The following ANKH variants were observed in gnomAD, a reference collection of about 807,000 sequenced individuals.
ANKH encodes the protein mineralization regulator ANKH.
Under a neutral mutation model 49.0 loss-of-function variants are expected in ANKH, and 15 were observed. The observed-to-expected ratio is 0.31, with a 90% CI of 0.20 to 0.47. ANKH has a LOEUF of 0.47. Among genes scored for constraint, ANKH ranks in the 20% least tolerant of loss-of-function variants. ANKH has a pLI of 1.00. For synonymous variants in ANKH, 273 were observed against 260.0 expected (o/e 1.05, Z -0.48); for missense variants, 429 against 652.0 (o/e 0.66, Z 3.72).
intron 6 of ANKH, among the ~76,000 whole-genome samples, chr5:14,746,997 C>T (rs185482367): frequency 2.0e-5 from 3 of 152,318 alleles, no homozygotes; most frequent in Admixed American, 2.0e-4. Context: ...ACCCTCTAGT[C>T]TAGCTCTATT....
At chr5:14,763,234 A>G (rs2126502806) in intron 2 of ANKH, among the ~76,000 whole-genome samples, 1 of 152,374 alleles carries the variant, frequency 6.6e-6, no homozygotes, top group South Asian at 2.1e-4. Context: ...CTCAATGTTT[A>G]AAAGTCTCAC....
chr5:14,855,933 C>T (rs35842463), intron 1 of ANKH, among the ~76,000 whole-genome samples: 52,859 of 150,540 alleles, frequency 0.35, 9,304 homozygotes, highest in Admixed American at 0.4. Flanking sequence ...CTTCTGCTTG[C>T]CCCTAACCAG....
intron 1 of ANKH, among the ~76,000 whole-genome samples, chr5:14,854,605 G>C (rs563244396): frequency 1.3e-5 from 2 of 152,342 alleles, no homozygotes; most frequent in East Asian, 3.9e-4. Context: ...TGGAGGCTGA[G>C]GTGGATCACT....
At chr5:14,762,733 T>TG (rs5866112) in intron 2 of ANKH, among the ~76,000 whole-genome samples, 10 of 102,484 alleles carry the variant, frequency 9.8e-5, no homozygotes, top group East Asian at 4.1e-4. Context: ...CTAGAGCTAT[T>TG]GGGGGGGTGG....
chr5:14,793,051 TATATATA>T (rs1290707053), intron 1 of ANKH, among the ~76,000 whole-genome samples: 5 of 52,928 alleles, frequency 9.4e-5, no homozygotes, highest in African/African-American at 2.1e-4. Context: ...TATATATAAA[TATATATA>T]AAATATATAT....
At chr5:14,871,226 G>T in intron 1 of ANKH, 126 bp downstream of exon 1, 1 of 823,394 alleles carries the variant, frequency 1.2e-6, no homozygotes, top group Non-Finnish European at 2.0e-6. Flanking sequence ...TTGACAAGCT[G>T]CACACCCGAC....
chr5:14,773,016 T>C (rs912094018), intron 1 of ANKH, among the ~76,000 whole-genome samples: 3 of 152,250 alleles, frequency 2.0e-5, no homozygotes, highest in Non-Finnish European at 4.4e-5. Flanking sequence ...CTCCCTGGGA[T>C]CAGGGTGAAG....
Position 14,825,151 on chromosome 5 carries a change from A to C in ANKH, c.96+46201T>G, listed in dbSNP as rs114574532. ...TTCAGCTACCATTACCAAGATTTTT[A>C]AAAGACACATGAGGACTCACAAAAA... On this transcript the variant is annotated intron_variant, in intron 1 of 11. Transcript: ENST00000284268. Among the ~76,000 whole-genome samples the C allele has an allele frequency of 4.0e-3, 609 of 152,318 alleles. 3 individuals carry two copies. The highest frequency in any genetic ancestry group is 0.014 in the African/African-American group (594 of 41,574).
intron 8 of ANKH, among the ~76,000 whole-genome samples, chr5:14,734,410 C>T (rs997024463): frequency 1.3e-4 from 20 of 152,336 alleles, no homozygotes; most frequent in African/African-American, 4.6e-4. Flanking sequence ...CACCATTGCT[C>T]CATCTGTAAG....
intron 1 of ANKH, chr5:14,797,637 C>A: frequency 3.1e-6 from 5 of 1,601,582 alleles, no homozygotes; most frequent in Non-Finnish European, 2.6e-6. Flanking sequence ...ACGAGTATCC[C>A]AAATCATCAG....
intron 8 of ANKH, among the ~76,000 whole-genome samples, chr5:14,731,127 G>A (rs1737987163): frequency 2.0e-5 from 3 of 152,200 alleles, no homozygotes; most frequent in South Asian, 4.1e-4. Context: ...CGGGGGCAGC[G>A]GCCAGTGGTG....
chr5:14,729,205 C>T (rs1465569919), intron 8 of ANKH, among the ~76,000 whole-genome samples: 1 of 152,074 alleles, frequency 6.6e-6, no homozygotes, highest in African/African-American at 2.4e-5. Context: ...AGGCACGTGC[C>T]ACCATGCCTG....
chr5:14,750,962 C>T, intron 5 of ANKH, 107 bp downstream of exon 5: 3 of 1,432,422 alleles, frequency 2.1e-6, no homozygotes, highest in Non-Finnish European at 2.9e-6. Flanking sequence ...ACATCCTGGC[C>T]AACTTCATGT....
chr5:14,724,319 A>AAACAAC (rs59535616), intron 8 of ANKH, among the ~76,000 whole-genome samples: 93 of 151,506 alleles, frequency 6.1e-4, no homozygotes, highest in Middle Eastern at 3.4e-3. Flanking sequence ...CTCTGTCTCA[A>AAACAAC]AACAACAACA....
At chr5:14,796,478 A>AC (rs1740392474) in intron 1 of ANKH, among the ~76,000 whole-genome samples, 3 of 24,664 alleles carry the variant, frequency 1.2e-4, no homozygotes, top group African/African-American at 4.8e-4. Context: ...CACACCAACA[A>AC]AAAAAAAAAA....
chr5:14,726,857 A>G (rs984714746), intron 8 of ANKH, among the ~76,000 whole-genome samples: 8 of 152,240 alleles, frequency 5.3e-5, no homozygotes, highest in African/African-American at 1.7e-4. Flanking sequence ...TACCTGTAGC[A>G]ACTGCCAGAA....
Position 14,741,876 on chromosome 5 carries a change from G to T in ANKH, c.962C>A (p.Ala321Glu), listed in dbSNP as rs754572946. 6.2e-7 allele frequency: 1 copy of T among 1,614,022 alleles called. No individual in the cohort carries two copies. Among genetic ancestry groups the T allele is most frequent in the Non-Finnish European group, 8.5e-7 (1 of 1,180,032 alleles). Residue 321 changes from alanine (A) to glutamate (E), a missense_variant, in exon 8 of 12, where the codon GCA becomes GAA. Coordinates refer to ENST00000284268, the MANE Select transcript of ANKH (RefSeq NM_054027.6). Reference protein sequence around the residue: ...KLVSTSNTVTAAHIKKFTFVC... With the variant: ...KLVSTSNTVTEAHIKKFTFVC... ...GAAGGTGAACTTCTTGATGTGGGCT[G>T]CCGTGACTGTGTTGCTCGTGCTCAC... is the stretch of plus-strand genomic sequence containing the variant.
rs747554048 is a variant in ANKH, at chr5:14,758,447, AAAGAAAG to A, written c.432+26_432+32del. ...GTATATTTTACCACCAGTTAAAGAA[AAAGAAAG>A]AAAGCCAACGATCTTCTCTACTCAC... On this transcript the variant is annotated intron_variant, in intron 3 of 11. Transcript: ENST00000284268. 11 of 1,541,048 alleles carry A rather than the reference AAAGAAAG, an allele frequency of 7.1e-6. No individual in the cohort carries two copies. In the Admixed American group the frequency reaches 1.8e-4, roughly 26 times the overall value.
chr5:14,730,334 A>AT (rs987710812), intron 8 of ANKH, among the ~76,000 whole-genome samples: 1 of 152,060 alleles, frequency 6.6e-6, no homozygotes, highest in African/African-American at 2.4e-5. Flanking sequence ...AGGGAAAATT[A>AT]TTTTTTTTAA....
Sources: allele counts gnomAD v4.1 joint callset (sites outside exome capture counted in the v4.1 genomes callset), GRCh38; gene constraint gnomAD v4.1.1; transcripts MANE v1.5; gene names NCBI Gene and HGNC (gene_info 2026-07-23, HGNC 2026-07-21).